CMTM8: variants seen among roughly 807,000 people sequenced by gnomAD.
The protein encoded by CMTM8 is CKLF-like MARVEL transmembrane domain-containing protein 8.
Under a neutral mutation model 18.6 loss-of-function variants are expected in CMTM8, and 12 were observed. The ratio of observed to expected loss-of-function variants is 0.65; its 90% CI spans 0.41 to 1.05. CMTM8 has a LOEUF of 1.05. Among genes scored for constraint, CMTM8 ranks in the 50% least tolerant of loss-of-function variants. The pLI is 0.00. For synonymous variants in CMTM8, 87 were observed against 90.6 expected (o/e 0.96, Z 0.23); for missense variants, 217 against 227.2 (o/e 0.95, Z 0.29).
At chr3:32,272,025 C>T (rs1336519338) in intron 1 of CMTM8, among the ~76,000 whole-genome samples, 1 of 152,218 alleles carries the variant, frequency 6.6e-6, no homozygotes, top group African/African-American at 2.4e-5. Context: ...TTCCTTCTTA[C>T]ACCTCACACC....
chr3:32,364,730 A>T (rs1309585107), intron 2 of CMTM8, among the ~76,000 whole-genome samples: 1 of 152,196 alleles, frequency 6.6e-6, no homozygotes, highest in African/African-American at 2.4e-5. Flanking sequence ...TCTTGAGGAT[A>T]TCAGATGCCT....
chr3:32,320,895 C>T (rs1029496459), intron 1 of CMTM8, among the ~76,000 whole-genome samples: 3 of 152,116 alleles, frequency 2.0e-5, no homozygotes, highest in African/African-American at 7.2e-5. Context: ...TCTTATTTTG[C>T]TTCCAGTTCT....
chr3:32,332,493 G>A (rs1025692293), intron 1 of CMTM8, among the ~76,000 whole-genome samples: 2 of 152,184 alleles, frequency 1.3e-5, no homozygotes, highest in African/African-American at 4.8e-5. Flanking sequence ...GCTTGGAGAA[G>A]GGCACAGAAG....
intron 1 of CMTM8, among the ~76,000 whole-genome samples, chr3:32,251,729 G>T (rs1702113213): frequency 6.6e-6 from 1 of 151,788 alleles, no homozygotes; most frequent in African/African-American, 2.4e-5. Flanking sequence ...AGCTAAACAG[G>T]GCTTCCCAAG....
At chr3:32,308,840 A>G (rs535491474) in intron 1 of CMTM8, among the ~76,000 whole-genome samples, 1 of 152,318 alleles carries the variant, frequency 6.6e-6, no homozygotes, top group East Asian at 1.9e-4. Context: ...AGGTGGTAAC[A>G]TCTCTAGGAA....
intron 2 of CMTM8, among the ~76,000 whole-genome samples, chr3:32,360,290 A>G (rs1291775478): frequency 6.6e-6 from 1 of 152,228 alleles, no homozygotes; most frequent in Non-Finnish European, 1.5e-5. Context: ...TTCTAAGGCA[A>G]TCTAGAAATC....
Position 32,319,074 on chromosome 3 carries a change from A to ATATATATATTTTTTT in CMTM8, c.148-38298_148-38297insATATATATTTTTTTT. Among the ~76,000 whole-genome samples, 85 of 31,520 alleles carry ATATATATATTTTTTT rather than the reference A, an allele frequency of 2.7e-3. 2 individuals are homozygous for ATATATATATTTTTTT. Among genetic ancestry groups the ATATATATATTTTTTT allele is most frequent in the African/African-American group, 4.1e-3 (27 of 6,550 alleles). The allele number at this position is 31,520 out of a possible 152,430, so 20.7% of individuals were successfully genotyped here. ...TGTATATACATATATATATATATAT[A>ATATATATATTTTTTT]TTTTTTTTTTTTTTTTTTTTTGAGA... On this transcript the variant is annotated intron_variant, in intron 1 of 3. Coordinates refer to ENST00000307526, the MANE Select transcript of CMTM8 (RefSeq NM_178868.5).
intron 1 of CMTM8, among the ~76,000 whole-genome samples, chr3:32,344,027 A>G (rs79827434): frequency 0.034 from 5,163 of 152,210 alleles, 281 homozygotes; most frequent in African/African-American, 0.12. Flanking sequence ...GAATGAATGA[A>G]TGTTGCCACA....
chr3:32,240,822 C>T lies in CMTM8; in HGVS notation c.147+1703C>T, dbSNP rs531041484. ...TTTTGTTTTGAGACAGGGTTTTGCTCTGTCTCCCAGGCTGAGGTGCGGTGG... is the reference window on the plus strand; with the variant it reads ...TTTTGTTTTGAGACAGGGTTTTGCTTTGTCTCCCAGGCTGAGGTGCGGTGG... On this transcript the variant is annotated intron_variant, in intron 1 of 3. Coordinates refer to ENST00000307526, the MANE Select transcript of CMTM8 (RefSeq NM_178868.5). Among the ~76,000 whole-genome samples, 5 of 152,292 alleles carry T rather than the reference C, an allele frequency of 3.3e-5. No individual in the cohort carries two copies. The South Asian group carries it at 8.3e-4, about 25-fold the overall frequency.
At chr3:32,353,080 A>G (rs982998976) in intron 1 of CMTM8, among the ~76,000 whole-genome samples, 2 of 152,142 alleles carry the variant, frequency 1.3e-5, no homozygotes, top group Non-Finnish European at 2.9e-5. Context: ...TGCAACCTCC[A>G]CTTTCCCAGT....
intron 1 of CMTM8, among the ~76,000 whole-genome samples, chr3:32,319,074 A>ATATATATATATTTTTTTTTTTTTTT: frequency 9.5e-5 from 3 of 31,530 alleles, no homozygotes; most frequent in Non-Finnish European, 1.5e-4. Flanking sequence ...ATATATATAT[A>ATATATATATATTTTTTTTTTTTTTT]TTTTTTTTTT....
At chr3:32,337,147 A>G (rs112707426) in intron 1 of CMTM8, among the ~76,000 whole-genome samples, 1 of 152,214 alleles carries the variant, frequency 6.6e-6, no homozygotes, top group African/African-American at 2.4e-5. Flanking sequence ...CAGAGCCCTC[A>G]TGATCCAATC....
rs539595373 is a variant in CMTM8, at chr3:32,303,404, C to A, written c.148-53969C>A. Among the ~76,000 whole-genome samples, 7 of 152,270 alleles carry A rather than the reference C, an allele frequency of 4.6e-5. No individual in the cohort carries two copies. The South Asian group carries it at 1.2e-3, about 27-fold the overall frequency. ...TGCATCAAAATGTCTGAGTTCAGCT[C>A]GTTCTTAATGTGGTGACAGGGTCAA... is the stretch of plus-strand genomic sequence containing the variant. On this transcript the variant is annotated intron_variant, in intron 1 of 3. Coordinates refer to ENST00000307526, the MANE Select transcript of CMTM8 (RefSeq NM_178868.5).
At chr3:32,261,005 T>G (rs953495657) in intron 1 of CMTM8, among the ~76,000 whole-genome samples, 1 of 152,072 alleles carries the variant, frequency 6.6e-6, no homozygotes. Flanking sequence ...GAGGATTGCT[T>G]GAGGCCAGGA....
chr3:32,273,221 T>C (rs892795271), intron 1 of CMTM8, among the ~76,000 whole-genome samples: 11 of 150,644 alleles, frequency 7.3e-5, no homozygotes, highest in African/African-American at 2.7e-4. Context: ...CTCAGCCTCC[T>C]AAAGTGCTGG....
intron 1 of CMTM8, among the ~76,000 whole-genome samples, chr3:32,315,781 A>G (rs1403371879): frequency 6.6e-6 from 1 of 152,114 alleles, no homozygotes; most frequent in Admixed American, 6.5e-5. Context: ...CAGATGGCAT[A>G]TTTTTTGGTG....
intron 1 of CMTM8, among the ~76,000 whole-genome samples, chr3:32,270,421 A>G (rs1281755517): frequency 6.6e-6 from 1 of 152,208 alleles, no homozygotes; most frequent in Non-Finnish European, 1.5e-5. Flanking sequence ...ACATGCACAC[A>G]TATGTTTATT....
chr3:32,289,780 G>A lies in CMTM8; in HGVS notation c.147+50661G>A, dbSNP rs114047761. 1.9e-3 allele frequency among the ~76,000 whole-genome samples: 284 copies of A among 152,240 alleles called. 4 individuals carry two copies. The South Asian group carries it at 0.023, about 12-fold the overall frequency. ...GATCTTATTACCATTTATATTCATCGTAGGCCCTGGAGGCCCTAACCAGTG... is the reference window on the plus strand; with the variant it reads ...GATCTTATTACCATTTATATTCATCATAGGCCCTGGAGGCCCTAACCAGTG... On this transcript the variant is annotated intron_variant, in intron 1 of 3. Coordinates refer to ENST00000307526, the MANE Select transcript of CMTM8 (RefSeq NM_178868.5).
intron 1 of CMTM8, among the ~76,000 whole-genome samples, chr3:32,298,924 C>T (rs74797261): frequency 0.34 from 29,666 of 86,346 alleles, 3,616 homozygotes; most frequent in African/African-American, 0.48. Context: ...TACACACACA[C>T]ATATATATAT....
Sources: allele counts gnomAD v4.1 joint callset (sites outside exome capture counted in the v4.1 genomes callset), GRCh38; gene constraint gnomAD v4.1.1; transcripts MANE v1.5; gene names NCBI Gene and HGNC (gene_info 2026-07-23, HGNC 2026-07-21).